ME3: variants seen among roughly 807,000 people sequenced by gnomAD.
ME3 encodes the protein malic enzyme 3.
ME3 carries 48 observed loss-of-function variants against 68.9 expected under a neutral mutation model. The ratio of observed to expected loss-of-function variants is 0.70; its 90% CI spans 0.55 to 0.89. The LOEUF is 0.89. ME3 is among the 40% of genes least tolerant of loss of function. ME3 has a pLI of 0.00. For missense variants in ME3, 675 were observed against 797.4 expected, an observed-to-expected ratio of 0.85 and a Z score of 1.85; for synonymous variants, 320 against 318.8, an observed-to-expected ratio of 1.00 and a Z score of -0.04.
intron 7 of ME3, among the ~76,000 whole-genome samples, chr11:86,472,476 A>G (rs1241517787): frequency 6.6e-6 from 1 of 152,224 alleles, no homozygotes; most frequent in Non-Finnish European, 1.5e-5. Context: ...TGGTATTAAT[A>G]TAAGGCAGTG....
intron 6 of ME3, among the ~76,000 whole-genome samples, chr11:86,490,039 T>C (rs1224029249): frequency 6.6e-6 from 1 of 152,184 alleles, no homozygotes; most frequent in Non-Finnish European, 1.5e-5. Flanking sequence ...CACTCAGTCA[T>C]GCTGCATGGG....
intron 2 of ME3, among the ~76,000 whole-genome samples, chr11:86,618,962 G>T (rs1363610731): frequency 2.0e-5 from 3 of 152,086 alleles, no homozygotes; most frequent in Non-Finnish European, 4.4e-5. Context: ...ACCCGCCTTG[G>T]CCTCCCGAAG....
At chr11:86,480,546 C>T (rs562386295) in intron 7 of ME3, among the ~76,000 whole-genome samples, 1 of 152,324 alleles carries the variant, frequency 6.6e-6, no homozygotes, top group East Asian at 1.9e-4. Context: ...TGTCCAGAAA[C>T]TTCCCAAGCA....
exon 12 of ME3, chr11:86,447,175 G>C (rs1949354218): frequency 6.2e-7 from 1 of 1,614,050 alleles, no homozygotes; most frequent in South Asian, 1.1e-5. Context: ...CTCAGAATCT[G>C]CTCCGTGAAG....
chr11:86,539,857 C>A (rs1280303441), intron 4 of ME3, among the ~76,000 whole-genome samples: 1 of 152,178 alleles, frequency 6.6e-6, no homozygotes, highest in African/African-American at 2.4e-5. Context: ...GAAGAATTGT[C>A]TTGGGCCCCA....
In ME3 at chr11:86,628,520, TTAG is replaced by T. The variant is rs571407374; in HGVS notation, c.183+43239_183+43241del. On this transcript the variant is annotated intron_variant, in intron 2 of 14. Transcript: ENST00000543262. The stretch of plus-strand genomic sequence containing the variant: ...AGAATCTCTGGAGGTGAGACAGTCA[TTAG>T]TATTTTTTTAAATTTCTCAAATGAC... Among the ~76,000 whole-genome samples, 6 of 152,316 alleles carry T rather than the reference TTAG, an allele frequency of 3.9e-5. No individual in the cohort carries two copies. In the East Asian group the frequency reaches 1.2e-3, roughly 29 times the overall value.
intron 2 of ME3, among the ~76,000 whole-genome samples, chr11:86,649,120 A>G (rs1387063495): frequency 2.0e-5 from 3 of 152,240 alleles, no homozygotes; most frequent in Non-Finnish European, 4.4e-5. Context: ...GTCAGCCACC[A>G]TCAACTTGGC....
At chr11:86,600,296 G>A (rs1229781061) in intron 2 of ME3, among the ~76,000 whole-genome samples, 4 of 152,186 alleles carry the variant, frequency 2.6e-5, no homozygotes, top group Non-Finnish European at 5.9e-5. Flanking sequence ...GGCAGGGGTT[G>A]CAATCCTAGT....
Position 86,508,874 on chromosome 11 carries a change from G to C in ME3, c.468-7C>G. On this transcript the variant is annotated splice_region_variant and splice_polypyrimidine_tract_variant and intron_variant, in intron 4 of 14. Coordinates refer to ENST00000543262, the Ensembl canonical transcript of ME3. ...AATGGTGATGAACAGTCCACTAAAA[G>C]AAATAAAACACGTACACACAGAGAA... 6.2e-7 allele frequency: 1 copy of C among 1,608,564 alleles called. No individual in the cohort carries two copies. The highest frequency in any genetic ancestry group is 1.1e-5 in the South Asian group (1 of 90,952).
chr11:86,592,483 T>G (rs1262162592), intron 2 of ME3, among the ~76,000 whole-genome samples: 2 of 152,198 alleles, frequency 1.3e-5, no homozygotes, highest in African/African-American at 4.8e-5. Flanking sequence ...AAAACCCATG[T>G]TCCTCTAGCC....
At chr11:86,453,966 T>C (rs1949779266) in intron 8 of ME3, among the ~76,000 whole-genome samples, 2 of 152,350 alleles carry the variant, frequency 1.3e-5, no homozygotes, top group Middle Eastern at 3.4e-3. Context: ...TAATAGACAA[T>C]TAACATTTTA....
chr11:86,482,652 G>T (rs545648046), intron 7 of ME3, among the ~76,000 whole-genome samples: 1 of 151,304 alleles, frequency 6.6e-6, no homozygotes, highest in South Asian at 2.1e-4. Context: ...CCAGTTCCAG[G>T]TCTCATCCTT....
intron 4 of ME3, among the ~76,000 whole-genome samples, chr11:86,518,820 C>T (rs946078136): frequency 1.8e-4 from 27 of 151,986 alleles, no homozygotes; most frequent in Non-Finnish European, 3.8e-4. Flanking sequence ...CACTGGTATC[C>T]TTATAAGAAG....
chr11:86,641,298 G>A (rs1944659590), intron 2 of ME3, among the ~76,000 whole-genome samples: 1 of 152,228 alleles, frequency 6.6e-6, no homozygotes, highest in South Asian at 2.1e-4. Flanking sequence ...TCAAAGGAAA[G>A]TACCACAGAA....
At chr11:86,637,349 C>A (rs369268556) in intron 2 of ME3, among the ~76,000 whole-genome samples, 489 of 121,758 alleles carry the variant, frequency 4.0e-3, no homozygotes, top group Middle Eastern at 9.0e-3. Context: ...ACAAGAAGCA[C>A]AAAAAAAAAA....
chr11:86,610,494 A>G (rs1045601734), intron 2 of ME3, among the ~76,000 whole-genome samples: 1 of 152,184 alleles, frequency 6.6e-6, no homozygotes, highest in Non-Finnish European at 1.5e-5. Context: ...TGCATATGCC[A>G]TGGGAGTGAT....
the ME3 span, chr11:86,435,258 A>G: frequency 6.6e-6 from 1 of 152,198 alleles, no homozygotes; most frequent in African/African-American, 2.4e-5. Flanking sequence ...CTCTCTAGAG[A>G]CTTCCACTTC....
At chr11:86,470,579 T>C (rs1408244825) in intron 7 of ME3, among the ~76,000 whole-genome samples, 1 of 152,178 alleles carries the variant, frequency 6.6e-6, no homozygotes, top group African/African-American at 2.4e-5. Flanking sequence ...CTCTGAAAAA[T>C]CTTGCAATAA....
At chr11:86,627,871 C>CGT (rs1943759823) in intron 2 of ME3, among the ~76,000 whole-genome samples, 2 of 152,204 alleles carry the variant, frequency 1.3e-5, no homozygotes, top group African/African-American at 4.8e-5. Context: ...TAACACCACG[C>CGT]ATAAGCAATT....
Sources: allele counts gnomAD v4.1 joint callset (sites outside exome capture counted in the v4.1 genomes callset), GRCh38; gene constraint gnomAD v4.1.1; transcripts MANE v1.5; gene names NCBI Gene and HGNC (gene_info 2026-07-23, HGNC 2026-07-21).